HIVEP3: variants seen among roughly 807,000 people sequenced by gnomAD.
HIVEP3 encodes transcription factor HIVEP3.
Under a neutral mutation model 152.8 loss-of-function variants are expected in HIVEP3, and 49 were observed. That is an observed-to-expected ratio of 0.32 (90% CI 0.26 to 0.41). The LOEUF (loss-of-function observed/expected upper bound fraction) is 0.41, where lower values mean the gene tolerates loss of function less well. Among genes scored for constraint, HIVEP3 ranks in the 10% least tolerant of loss-of-function variants. HIVEP3 has a pLI of 1.00. For synonymous variants in HIVEP3, 1,269 were observed against 1,289.0 expected (o/e 0.98, Z 0.33); for missense variants, 2,790 against 3,103.3 (o/e 0.90, Z 2.40).
rs551156443 is a variant in HIVEP3, at chr1:41,681,227, G to T, written c.-721+19689C>A. The stretch of plus-strand genomic sequence containing the variant: ...TCCTGCTTCAGCCTCCTGAGTAGCT[G>T]GGACTACAGGTGTGCATCGCCATGC... On this transcript the variant is annotated intron_variant, in intron 2 of 8. Transcript: ENST00000372583. Among the ~76,000 whole-genome samples, 8 of 152,230 alleles carry T rather than the reference G, an allele frequency of 5.3e-5. No homozygotes were observed. The South Asian group carries it at 1.7e-3, about 32-fold the overall frequency.
chr1:41,847,145 A>G (rs959359347), intron 1 of HIVEP3: 2 of 152,170 alleles, frequency 1.3e-5, no homozygotes, highest in Admixed American at 1.3e-4. Context: ...TTTTCTTTTG[A>G]TTCTTTTCTG....
chr1:41,699,937 C>T (rs1646336420), intron 2 of HIVEP3, among the ~76,000 whole-genome samples: 1 of 152,054 alleles, frequency 6.6e-6, no homozygotes, highest in Admixed American at 6.6e-5. Flanking sequence ...TGGCCTCACT[C>T]CCATACTCCT....
intron 1 of HIVEP3, among the ~76,000 whole-genome samples, chr1:41,972,096 C>T (rs1388276865): frequency 6.6e-6 from 1 of 152,222 alleles, no homozygotes; most frequent in Non-Finnish European, 1.5e-5. Context: ...ATTATAGCAG[C>T]ACAAACAGAG....
intron 8 of HIVEP3, 49 bp downstream of exon 8, chr1:41,512,767 C>T: frequency 7.0e-7 from 1 of 1,424,470 alleles, no homozygotes; most frequent in Non-Finnish European, 9.3e-7. Flanking sequence ...CTTGCAACCC[C>T]TGCACCCACA....
chr1:41,705,452 G>GA (rs1448446354), intron 1 of HIVEP3, among the ~76,000 whole-genome samples: 1 of 152,186 alleles, frequency 6.6e-6, no homozygotes, highest in Non-Finnish European at 1.5e-5. Flanking sequence ...TTGACCCCAG[G>GA]ATGACAGACC....
At chr1:41,575,481 C>T in intron 5 of HIVEP3, 63 bp downstream of exon 5, 1 of 1,560,598 alleles carries the variant, frequency 6.4e-7, no homozygotes, top group Non-Finnish European at 8.8e-7. Flanking sequence ...TGCCCGTGAA[C>T]ACCAATGGGC....
chr1:41,966,362 C>G (rs1191922445), intron 1 of HIVEP3, among the ~76,000 whole-genome samples: 1 of 151,798 alleles, frequency 6.6e-6, no homozygotes, highest in Non-Finnish European at 1.5e-5. Context: ...ATGACGGGAT[C>G]AAATTCACAT....
intron 1 of HIVEP3, among the ~76,000 whole-genome samples, chr1:41,747,952 G>C (rs895230861): frequency 6.6e-6 from 1 of 152,200 alleles, no homozygotes; most frequent in Non-Finnish European, 1.5e-5. Flanking sequence ...TAATCAGATG[G>C]AAGAAGGCCA....
intron 1 of HIVEP3, among the ~76,000 whole-genome samples, chr1:41,867,329 A>T (rs1643995350): frequency 6.6e-6 from 1 of 152,184 alleles, no homozygotes; most frequent in Admixed American, 6.5e-5. Flanking sequence ...ATCTTCTTTG[A>T]TGTTTTTATT....
chr1:41,772,899 CTG>C (rs1343737354), intron 1 of HIVEP3, among the ~76,000 whole-genome samples: 1 of 152,096 alleles, frequency 6.6e-6, no homozygotes, highest in African/African-American at 2.4e-5. Context: ...GAGTGAGACT[CTG>C]TATCAAAAAA....
intron 1 of HIVEP3, among the ~76,000 whole-genome samples, chr1:41,707,608 C>G (rs1458273717): frequency 6.6e-6 from 1 of 152,160 alleles, no homozygotes; most frequent in Non-Finnish European, 1.5e-5. Flanking sequence ...GAGGGAAGAA[C>G]AAGAAGCCTA....
chr1:41,965,176 G>C (rs190817731), intron 1 of HIVEP3, among the ~76,000 whole-genome samples: 124 of 152,270 alleles, frequency 8.1e-4, no homozygotes, highest in African/African-American at 3.0e-3. Context: ...ATGGAAGAAA[G>C]TCCTGACTAC....
In HIVEP3 at chr1:41,580,549, T is replaced by A. The variant is rs755544194; in HGVS notation, c.4249A>T (p.Ser1417Cys). The A allele has an allele frequency of 1.5e-5, 24 of 1,614,096 alleles. No individual in the cohort carries two copies. In the East Asian group the frequency reaches 5.1e-4, roughly 34 times the overall value. ...GCTGTTGATGAACTCCCCTCCAGGC[T>A]CAAGATACTCTCTGATGACAGGGAA... ...GTSLSSESIL[S>C]LEGSSSTAGG... The change falls in exon 4 of 9, where the codon AGC becomes TGC. Residue 1417 changes from serine (S) to cysteine (C), a missense_variant. Coordinates refer to ENST00000372583, the MANE Select transcript of HIVEP3 (RefSeq NM_024503.5).
At chr1:42,001,267 T>G (rs954569486) in intron 1 of HIVEP3, among the ~76,000 whole-genome samples, 1 of 152,216 alleles carries the variant, frequency 6.6e-6, no homozygotes, top group African/African-American at 2.4e-5. Context: ...GACACTGAAC[T>G]GTCAGCTCAG....
rs1645736882 is a variant in HIVEP3, at chr1:41,662,743, C to T, written c.-720-33796G>A. The stretch of plus-strand genomic sequence containing the variant: ...GCCCCGGCTCCGGCGCTGTCTTTTC[C>T]TCCTGGGCCCTCTAGGGAGGGCAGA... On this transcript the variant is annotated intron_variant, in intron 2 of 8. Coordinates refer to ENST00000372583, the MANE Select transcript of HIVEP3 (RefSeq NM_024503.5). The surrounding 1 kb of genome is among the most constrained non-coding windows in gnomAD (Gnocchi z 7.2). 6.6e-6 allele frequency among the ~76,000 whole-genome samples: 1 copy of T among 151,662 alleles called. No individual in the cohort carries two copies. Among genetic ancestry groups the T allele is most frequent in the Non-Finnish European group, 1.5e-5 (1 of 67,786 alleles).
intron 3 of HIVEP3, among the ~76,000 whole-genome samples, chr1:41,586,735 T>C (rs183419796): frequency 2.6e-5 from 4 of 152,228 alleles, no homozygotes; most frequent in African/African-American, 9.6e-5. Flanking sequence ...CACTGTGATA[T>C]GCTTTGGAGG....
intron 1 of HIVEP3, among the ~76,000 whole-genome samples, chr1:41,756,865 G>A (rs1647331765): frequency 6.6e-6 from 1 of 152,072 alleles, no homozygotes; most frequent in African/African-American, 2.4e-5. Flanking sequence ...ACAGAAAGTA[G>A]GCACTCAATA....
In HIVEP3 at chr1:41,584,202, C is replaced by T. The variant is rs1644466972; in HGVS notation, c.596G>A (p.Arg199Gln). The change falls in exon 4 of 9, where the codon CGG (arginine) becomes CAG (glutamine). Residue 199 changes from arginine to glutamine, a missense_variant. Arg to Gln is a conservative substitution (Grantham distance 43, BLOSUM62 1). Transcript: ENST00000372583. The surrounding 1 kb of genome is among the most constrained non-coding windows in gnomAD (Gnocchi z 5.2). ...PGKYICQYCS[R>Q]PCAKPSVLQK... is the part of the protein sequence containing the mutation. The stretch of plus-strand genomic sequence containing the variant: ...GAGCACGCTGGGCTTGGCACAGGGC[C>T]GGCTGCAGTACTGGCAGATGTACTT... 2.5e-6 allele frequency: 4 copies of T among 1,614,060 alleles called. No homozygotes were observed. Among genetic ancestry groups the T allele is most frequent in the Admixed American group, 1.7e-5 (1 of 60,004 alleles).
intron 2 of HIVEP3, among the ~76,000 whole-genome samples, chr1:41,650,120 C>T (rs78132384): frequency 0.031 from 4,757 of 152,162 alleles, 255 homozygotes; most frequent in African/African-American, 0.11. Context: ...TGGCTAGAGG[C>T]TCCTTCTGGG....
Sources: gnomAD v4.1 joint callset for allele counts (sites outside exome capture counted in the v4.1 genomes callset) on GRCh38, gnomAD v4.1.1 for gene constraint, Gnocchi (gnomAD v3.1) non-coding constraint, MANE v1.5 for transcripts, NCBI Gene and HGNC (gene_info 2026-07-23, HGNC 2026-07-21) for gene names.